Variants in MAF observed in about 807,000 individuals in gnomAD.
MAF encodes the protein transcription factor Maf.
A neutral mutation model predicts 22.0 loss-of-function variants in MAF; 10 were observed. The observed-to-expected ratio is 0.45, with a 90% CI of 0.28 to 0.77. The LOEUF is 0.77. Ranked by LOEUF, MAF falls within the 30% of genes least tolerant of loss-of-function variation. The pLI is 0.12. For missense variants in MAF, 544 were observed against 548.4 expected (o/e 0.99, Z 0.08); for synonymous variants, 337 against 255.8 (o/e 1.32, Z -3.03).
the MAF span, among the ~76,000 whole-genome samples, chr16:79,461,981 A>G: frequency 6.6e-6 from 1 of 152,158 alleles, no homozygotes; most frequent in African/African-American, 2.4e-5. Context: ...GTTTATGAGA[A>G]GGCACCTGCC....
At chr16:79,447,331 C>CA in the MAF span, among the ~76,000 whole-genome samples, 1,451 of 98,382 alleles carry the variant, frequency 0.015, 8 homozygotes, top group South Asian at 0.044. Context: ...ACCTACTGCT[C>CA]AAAAAAAAAA....
At chr16:79,353,083 A>C in the MAF span, among the ~76,000 whole-genome samples, 1 of 133,128 alleles carries the variant, frequency 7.5e-6, no homozygotes, top group African/African-American at 3.2e-5. Flanking sequence ...AAAATCATAC[A>C]AAAAAAAATG....
At chr16:79,404,164 C>CTTTTTT in the MAF span, among the ~76,000 whole-genome samples, 64 of 122,074 alleles carry the variant, frequency 5.2e-4, 1 homozygote, top group African/African-American at 1.6e-3. Flanking sequence ...TCTGGATTTT[C>CTTTTTT]TTTTTTTTTT....
the MAF span, among the ~76,000 whole-genome samples, chr16:79,356,048 C>T: frequency 2.6e-5 from 4 of 152,294 alleles, no homozygotes; most frequent in African/African-American, 9.6e-5. Flanking sequence ...CACACACGCA[C>T]ATGCACACAC....
chr16:79,586,852 A>G (rs1472141310), intron 1 of MAF, among the ~76,000 whole-genome samples: 1 of 152,256 alleles, frequency 6.6e-6, no homozygotes, highest in Non-Finnish European at 1.5e-5. Context: ...CAACATGGTC[A>G]CAGAAAATCT....
At chr16:79,533,994 A>ATGAGGG in the MAF span, among the ~76,000 whole-genome samples, 10 of 152,278 alleles carry the variant, frequency 6.6e-5, no homozygotes, top group African/African-American at 2.4e-4. Flanking sequence ...CCCTCAGCTC[A>ATGAGGG]CCTGAAGGCC....
the MAF span, among the ~76,000 whole-genome samples, chr16:79,426,135 G>A: frequency 4.6e-5 from 7 of 152,136 alleles, no homozygotes; most frequent in African/African-American, 1.4e-4. Flanking sequence ...GAATCTGGAA[G>A]GTGGAGGTTA....
the MAF span, among the ~76,000 whole-genome samples, chr16:79,236,562 T>C: frequency 1.3e-5 from 2 of 152,018 alleles, no homozygotes. Context: ...AAAGTACATC[T>C]CACACACTAT....
chr16:79,326,958 G>C, the MAF span, among the ~76,000 whole-genome samples: 3 of 152,162 alleles, frequency 2.0e-5, no homozygotes, highest in African/African-American at 7.2e-5. Flanking sequence ...TTTTGGTCCT[G>C]AGGCTGAGAA....
At chr16:79,346,080 A>C in the MAF span, among the ~76,000 whole-genome samples, 12 of 151,922 alleles carry the variant, frequency 7.9e-5, no homozygotes, top group Non-Finnish European at 1.3e-4. Context: ...TACAATGTGC[A>C]GGTTTGTTAC....
the MAF span, among the ~76,000 whole-genome samples, chr16:79,550,639 A>G: frequency 5.7e-4 from 87 of 152,272 alleles, no homozygotes; most frequent in African/African-American, 1.9e-3. Context: ...GTAAGGAGGT[A>G]GAGCCTCATG....
the MAF span, among the ~76,000 whole-genome samples, chr16:79,289,418 G>C: frequency 6.6e-6 from 1 of 152,196 alleles, no homozygotes; most frequent in Non-Finnish European, 1.5e-5. Context: ...GGGACACCTA[G>C]ATGTCTCACC....
chr16:79,328,155 A>G, the MAF span, among the ~76,000 whole-genome samples: 1 of 152,218 alleles, frequency 6.6e-6, no homozygotes, highest in Non-Finnish European at 1.5e-5. Context: ...GACATAGGGT[A>G]GGTGCCTAGT....
the MAF span, among the ~76,000 whole-genome samples, chr16:79,487,432 C>G: frequency 6.6e-6 from 1 of 151,980 alleles, no homozygotes; most frequent in Admixed American, 6.5e-5. Context: ...CTATCATGCA[C>G]TTAAGAATTG....
chr16:79,253,526 A>T, the MAF span, among the ~76,000 whole-genome samples: 1 of 152,162 alleles, frequency 6.6e-6, no homozygotes, highest in South Asian at 2.1e-4. Flanking sequence ...TGTGCTGCCG[A>T]AGCTAGCACG....
chr16:79,282,956 A>C, the MAF span, among the ~76,000 whole-genome samples: 1 of 152,202 alleles, frequency 6.6e-6, no homozygotes, highest in Admixed American at 6.5e-5. Flanking sequence ...CAAAAATGAC[A>C]AGTTAGGAAG....
chr16:79,527,307 C>T, the MAF span, among the ~76,000 whole-genome samples: 1 of 152,180 alleles, frequency 6.6e-6, no homozygotes, highest in Non-Finnish European at 1.5e-5. Flanking sequence ...CTAAGCTTGC[C>T]TTCTTACCTT....
At chr16:79,590,431 G>A (rs1913126789), downstream of MAF, among the ~76,000 whole-genome samples, 1 of 152,170 alleles carries the variant, frequency 6.6e-6, no homozygotes, top group African/African-American at 2.4e-5. Context: ...GGGCGGAGGT[G>A]ACTTATTGGG....
chr16:79,486,012 A>G, the MAF span, among the ~76,000 whole-genome samples: 2 of 152,216 alleles, frequency 1.3e-5, no homozygotes, highest in African/African-American at 4.8e-5. Flanking sequence ...GAATTTTGGG[A>G]GCACTTATTG....
Sources: gnomAD v4.1 joint callset for allele counts (sites outside exome capture counted in the v4.1 genomes callset) on GRCh38, gnomAD v4.1.1 for gene constraint, MANE v1.5 for transcripts, NCBI Gene and HGNC (gene_info 2026-07-23, HGNC 2026-07-21) for gene names.